The following GPC6 variants were observed in gnomAD, a reference collection of about 807,000 sequenced individuals.
GPC6 encodes the protein glypican 6.
Under a neutral mutation model 55.2 loss-of-function variants are expected in GPC6, and 14 were observed. The ratio of observed to expected loss-of-function variants is 0.25; its 90% CI spans 0.17 to 0.40. GPC6 has a LOEUF of 0.40. GPC6 is among the 10% of genes least tolerant of loss of function. The probability of loss-of-function intolerance (pLI) is 1.00; values close to 1 mark genes in which losing one functional copy is unlikely to be tolerated. For synonymous variants in GPC6, 278 were observed against 259.6 expected, an observed-to-expected ratio of 1.07 and a Z score of -0.68; for missense variants, 641 against 708.5, an observed-to-expected ratio of 0.90 and a Z score of 1.08.
At chr13:94,236,390 G>T (rs1257579228) in intron 4 of GPC6, among the ~76,000 whole-genome samples, 1 of 152,124 alleles carries the variant, frequency 6.6e-6, no homozygotes, top group Non-Finnish European at 1.5e-5. Flanking sequence ...AAACTCAGAA[G>T]TCGATATTCA....
At chr13:94,303,263 C>T (rs1434349671) in intron 5 of GPC6, among the ~76,000 whole-genome samples, 1 of 152,208 alleles carries the variant, frequency 6.6e-6, no homozygotes, top group African/African-American at 2.4e-5. Context: ...CATTGTCCCT[C>T]CCCCTGTGCT....
At chr13:93,787,572 G>A (rs1885852477) in intron 2 of GPC6, among the ~76,000 whole-genome samples, 1 of 152,102 alleles carries the variant, frequency 6.6e-6, no homozygotes, top group Non-Finnish European at 1.5e-5. Flanking sequence ...ATACGTATTA[G>A]ATGTATATAT....
intron 2 of GPC6, among the ~76,000 whole-genome samples, chr13:93,647,268 C>T (rs1880213341): frequency 6.6e-6 from 1 of 152,070 alleles, no homozygotes; most frequent in Non-Finnish European, 1.5e-5. Context: ...ATGGATGTTT[C>T]TCTTTTTTCC....
intron 4 of GPC6, among the ~76,000 whole-genome samples, chr13:94,244,031 T>C (rs1232671400): frequency 2.0e-5 from 3 of 152,236 alleles, no homozygotes; most frequent in East Asian, 3.9e-4. Flanking sequence ...TATTTTGTCC[T>C]CTCAAAAAAG....
intron 4 of GPC6, among the ~76,000 whole-genome samples, chr13:94,108,215 G>A (rs987242692): frequency 6.6e-6 from 1 of 152,020 alleles, no homozygotes; most frequent in Middle Eastern, 3.2e-3. Context: ...CCATAAAAAA[G>A]GAATGAATTA....
intron 1 of GPC6, among the ~76,000 whole-genome samples, chr13:93,515,103 A>G (rs1234848722): frequency 6.6e-6 from 1 of 151,994 alleles, no homozygotes; most frequent in Non-Finnish European, 1.5e-5. Context: ...CTCTCTTGCT[A>G]TCTCCACTGC....
intron 3 of GPC6, among the ~76,000 whole-genome samples, chr13:93,888,314 G>C (rs549155813): frequency 6.6e-6 from 1 of 152,080 alleles, no homozygotes; most frequent in Non-Finnish European, 1.5e-5. Context: ...AAAGAAGCAT[G>C]TTTTTCATTA....
intron 2 of GPC6, among the ~76,000 whole-genome samples, chr13:93,782,946 A>G (rs1885701948): frequency 6.6e-6 from 1 of 152,142 alleles, no homozygotes; most frequent in Non-Finnish European, 1.5e-5. Flanking sequence ...TCCATCACCT[A>G]GGTATTAAGC....
At chr13:94,181,113 T>C (rs1888978449) in intron 4 of GPC6, among the ~76,000 whole-genome samples, 1 of 152,212 alleles carries the variant, frequency 6.6e-6, no homozygotes, top group Non-Finnish European at 1.5e-5. Context: ...AGCTCTGGAC[T>C]CATCAATCGT....
chr13:93,306,778 C>T (rs1378967743), intron 1 of GPC6, among the ~76,000 whole-genome samples: 4 of 152,040 alleles, frequency 2.6e-5, no homozygotes, highest in African/African-American at 7.2e-5. Flanking sequence ...TTTGAAGTTA[C>T]AGATCAAAAA....
chr13:94,310,976 CAT>C (rs1420642663), intron 6 of GPC6, among the ~76,000 whole-genome samples: 1 of 152,110 alleles, frequency 6.6e-6, no homozygotes, highest in South Asian at 2.1e-4. Flanking sequence ...TTAGCTGAGA[CAT>C]AGAAAATTCA....
At chr13:93,932,011 G>A (rs981911641) in intron 3 of GPC6, among the ~76,000 whole-genome samples, 2 of 152,124 alleles carry the variant, frequency 1.3e-5, no homozygotes, top group African/African-American at 4.8e-5. Flanking sequence ...ATGTTATAGA[G>A]CCATCATAAA....
intron 4 of GPC6, among the ~76,000 whole-genome samples, chr13:94,036,700 T>G (rs1883346111): frequency 6.6e-6 from 1 of 152,012 alleles, no homozygotes; most frequent in South Asian, 2.1e-4. Context: ...GGTAGAGTTT[T>G]CAGACTGAAT....
At chr13:93,635,140 C>CTT (rs879721283) in intron 2 of GPC6, among the ~76,000 whole-genome samples, 7 of 145,640 alleles carry the variant, frequency 4.8e-5, no homozygotes, top group East Asian at 2.0e-4. Context: ...CATAATACAG[C>CTT]TTTTTTTTTT....
At chr13:93,511,353 A>C (rs1347806570) in intron 1 of GPC6, among the ~76,000 whole-genome samples, 2 of 151,532 alleles carry the variant, frequency 1.3e-5, no homozygotes, top group Non-Finnish European at 2.9e-5. Context: ...TTTTGAGTTG[A>C]TTTTTGTACA....
At chr13:93,489,111 A>G (rs376316903) in intron 1 of GPC6, among the ~76,000 whole-genome samples, 3 of 151,482 alleles carry the variant, frequency 2.0e-5, no homozygotes, top group Non-Finnish European at 1.5e-5. Context: ...TAGGTCTAAC[A>G]TTTAAGTCTT....
intron 3 of GPC6, among the ~76,000 whole-genome samples, chr13:93,863,279 A>G (rs1452225571): frequency 2.0e-5 from 3 of 151,662 alleles, no homozygotes; most frequent in Non-Finnish European, 3.0e-5. Flanking sequence ...CATATGAGCC[A>G]TGGTTTCTCT....
chr13:93,654,784 A>G (rs906834014), intron 2 of GPC6, among the ~76,000 whole-genome samples: 2 of 150,936 alleles, frequency 1.3e-5, no homozygotes, highest in Admixed American at 6.6e-5. Context: ...AGCCTAGAAT[A>G]TTTTCTTAAA....
At chr13:94,332,565 G>A (rs906383586) in intron 6 of GPC6, among the ~76,000 whole-genome samples, 8 of 152,356 alleles carry the variant, frequency 5.3e-5, no homozygotes, top group South Asian at 2.1e-4. Flanking sequence ...TGGCTCAGCC[G>A]TTGGTCTCTG....
Sources: allele counts gnomAD v4.1 joint callset (sites outside exome capture counted in the v4.1 genomes callset), GRCh38; gene constraint gnomAD v4.1.1; transcripts MANE v1.5; gene names NCBI Gene and HGNC (gene_info 2026-07-23, HGNC 2026-07-21).